ALDH3A1: variants seen among roughly 807,000 people sequenced by gnomAD.
ALDH3A1 encodes aldehyde dehydrogenase, dimeric NADP-preferring.
A neutral mutation model predicts 49.9 loss-of-function variants in ALDH3A1; 46 were observed. The observed-to-expected ratio is 0.92, with a 90% CI of 0.73 to 1.18. ALDH3A1 has a LOEUF of 1.18. Ranked by LOEUF, ALDH3A1 falls within the 50% of genes most tolerant of loss-of-function variation. The pLI is 0.00. For missense variants in ALDH3A1, 592 were observed against 611.8 expected (o/e 0.97, Z 0.34); for synonymous variants, 269 against 253.3 (o/e 1.06, Z -0.59).
chr17:19,738,614 C>A, intron 9 of ALDH3A1, 161 bp from the exon 10 acceptor site: 1 of 1,105,062 alleles, frequency 9.0e-7, no homozygotes, highest in South Asian at 1.6e-5. Flanking sequence ...GCCCTCAGCA[C>A]CCAGCCCCAG....
Position 19,743,427 on chromosome 17 carries a change from C to T in ALDH3A1, c.199G>A (p.Val67Ile), listed in dbSNP as rs752921553. ...WNAYYEEVVY[V>I]LEEIEYMIQK... ...ATCATGTACTCGATCTCCTCTAGGA[C>T]GTACACCACCTCCTCATAGTAGGCG... The change falls in exon 3 of 11, where the codon GTC becomes ATC. Residue 67 changes from valine to isoleucine, a missense_variant. Physicochemically the swap from Val to Ile is conservative, Grantham distance 29. Coordinates refer to ENST00000225740, the MANE Select transcript of ALDH3A1 (RefSeq NM_000691.5). This position sits in a 1 kb window ranked among gnomAD's most constrained non-coding sequence, Gnocchi z 4.4. The T allele has an allele frequency of 6.8e-6, 11 of 1,611,430 alleles. No individual in the cohort carries two copies. The East Asian group carries it at 1.1e-4, about 16-fold the overall frequency.
In ALDH3A1 at chr17:19,742,931, C is replaced by T. The variant is rs543999159; in HGVS notation, c.394+301G>A. The T allele has an allele frequency of 1.5e-4, 229 of 1,524,716 alleles. 1 individual carries two copies. The highest frequency in any genetic ancestry group is 1.2e-3 in the South Asian group (99 of 83,146). 94.4% of individuals were successfully genotyped at this position (1,524,716 alleles called of 1,614,324 possible). A position where few individuals can be genotyped will look rare whatever the true frequency, so the allele number is the denominator to read the frequency against. ...TCTGGGGGCCCGGTTGGTAGAACAG[C>T]GCTGGCCCATTCTAGGAAGGAAGCC... On this transcript the variant is annotated intron_variant, in intron 3 of 10. Transcript: ENST00000225740.
intron 8 of ALDH3A1, 65 bp downstream of exon 8, chr17:19,739,443 C>A: frequency 6.5e-7 from 1 of 1,533,512 alleles, no homozygotes; most frequent in Non-Finnish European, 8.8e-7. Context: ...AGTGAAGCTG[C>A]AGTTTGAACC....
At chr17:19,739,221 C>T in intron 8 of ALDH3A1, 126 bp from the exon 9 acceptor site, 2 of 887,818 alleles carry the variant, frequency 2.3e-6, no homozygotes, top group Non-Finnish European at 3.5e-6. Context: ...GAGCCTTAGC[C>T]TCCATCTCCT....
rs2086622399 is a variant in ALDH3A1, at chr17:19,748,130, G to A, written c.-6+129C>T. 1.5e-5 allele frequency: 5 copies of A among 324,088 alleles called. No individual in the cohort carries two copies. Among genetic ancestry groups the A allele is most frequent in the Middle Eastern group, 9.1e-4 (1 of 1,098 alleles). The allele number at this position is 324,088 out of a possible 1,614,324, so 20.1% of individuals were successfully genotyped here. A position where few individuals can be genotyped will look rare whatever the true frequency, so the allele number is the denominator to read the frequency against. On this transcript the variant is annotated intron_variant, in intron 1 of 10. Coordinates refer to ENST00000225740, the MANE Select transcript of ALDH3A1 (RefSeq NM_000691.5). The surrounding 1 kb of genome is among the most constrained non-coding windows in gnomAD (Gnocchi z 4.4). ...CAGAGGTCCAGGAGGATGCTCCAGA[G>A]ATGATGGTCCCAGAGGCAGGGACCC...
intron 7 of ALDH3A1, 179 bp downstream of exon 7, chr17:19,740,157 A>G (rs1339971605): frequency 5.9e-6 from 4 of 680,920 alleles, no homozygotes; most frequent in Non-Finnish European, 7.0e-6. Context: ...CTGAGGTTGA[A>G]GCAGGGGCTG....
At chr17:19,746,369 T>C (rs1464315738) in intron 1 of ALDH3A1, among the ~76,000 whole-genome samples, 3 of 151,990 alleles carry the variant, frequency 2.0e-5, no homozygotes, top group African/African-American at 7.3e-5. Flanking sequence ...CTCCAGCACT[T>C]TGACCGGGAG....
rs369365709 is a variant in ALDH3A1 at position 19,743,930 on chromosome 17, G to A, written c.163-467C>T. On this transcript the variant is annotated intron_variant, in intron 2 of 10. Coordinates refer to ENST00000225740, the MANE Select transcript of ALDH3A1 (RefSeq NM_000691.5). The surrounding 1 kb of genome is among the most constrained non-coding windows in gnomAD (Gnocchi z 4.4). ...GATGCAGGACCAAGGGCTGCTGGGC[G>A]CTCAGGGCCTCCTGTGGGGAGCAGG... 1.1e-4 allele frequency: 104 copies of A among 985,170 alleles called. No homozygotes were observed. Among genetic ancestry groups the A allele is most frequent in the South Asian group, 1.9e-4 (4 of 21,288 alleles). 61.0% of individuals were successfully genotyped at this position (985,170 alleles called of 1,614,324 possible).
Position 19,738,392 on chromosome 17 carries a change from G to A in ALDH3A1, c.1278C>T (p.Arg426=), listed in dbSNP as rs539213892. ...TCATCAGAGGCCTCACCAGGCAAGAGCGGCGGTGAGAGAAAGTCTCGAAGC... is the reference window on the plus strand; with the variant it reads ...TCATCAGAGGCCTCACCAGGCAAGAACGGCGGTGAGAGAAAGTCTCGAAGC... The part of the protein sequence containing the change: ...KKSFETFSHR[R]SCLVRPLMND... The change falls in exon 10 of 11, where the codon CGC becomes CGT. Residue 426 remains arginine, a synonymous_variant. Coordinates refer to ENST00000225740, the MANE Select transcript of ALDH3A1 (RefSeq NM_000691.5). 104 of 1,613,870 alleles carry A rather than the reference G, an allele frequency of 6.4e-5. No individual in the cohort carries two copies. The highest frequency in any genetic ancestry group is 7.6e-5 in the Non-Finnish European group (90 of 1,179,818).
rs750423189 is a variant in ALDH3A1 at position 19,743,236 on chromosome 17, A to T, written c.390T>A (p.Ala130=). Residue 130 remains alanine (A), a synonymous_variant, in exon 3 of 11, where the codon GCT becomes GCA. Coordinates refer to ENST00000225740, the MANE Select transcript of ALDH3A1 (RefSeq NM_000691.5). The surrounding 1 kb of genome is among the most constrained non-coding windows in gnomAD (Gnocchi z 4.4). ...CCTTCCCACAGGGCCATGCACCTGC[A>T]GCGATGGCGCCCACCATGGGCTGGA... ...LTIQPMVGAI[A]AGNSVVLKPS... 6.2e-7 allele frequency: 1 copy of T among 1,613,468 alleles called. No individual in the cohort carries two copies. The highest frequency in any genetic ancestry group is 1.3e-5 in the African/African-American group (1 of 74,894).
At position 19,743,290 on chromosome 17, in the gene ALDH3A1, G is replaced by A; in HGVS notation, c.336C>T (p.Gly112=). 1.2e-6 allele frequency: 2 copies of A among 1,614,124 alleles called. No individual in the cohort carries two copies. Among genetic ancestry groups the A allele is most frequent in the South Asian group, 1.1e-5 (1 of 91,082 alleles). ...SEPLGVVLVI[G]TWNYPFNLTI... ...TGAGGTTGAAGGGGTAGTTCCAGGTGCCAATGACGAGGACCACGCCCAGTG... is the reference window on the plus strand; with the variant it reads ...TGAGGTTGAAGGGGTAGTTCCAGGTACCAATGACGAGGACCACGCCCAGTG... Residue 112 remains glycine, a synonymous_variant, in exon 3 of 11, where the codon GGC becomes GGT. Transcript: ENST00000225740. The surrounding 1 kb of genome is among the most constrained non-coding windows in gnomAD (Gnocchi z 4.4).
In ALDH3A1 at chr17:19,738,140, C is replaced by T; in HGVS notation, c.*81G>A. ...GGGCTGGGGCTGCAGGAGCGATTCT[C>T]CCAGGGCCAGGAGAGCCAGTGAGGG... On this transcript the variant is annotated 3_prime_UTR_variant, in exon 11 of 11. Transcript: ENST00000225740. The T allele has an allele frequency of 6.2e-7, 1 of 1,609,578 alleles. No homozygotes were observed. Among genetic ancestry groups the T allele is most frequent in the Non-Finnish European group, 8.5e-7 (1 of 1,179,848 alleles).
chr17:19,746,501 A>T (rs1447910835), intron 1 of ALDH3A1, among the ~76,000 whole-genome samples: 2 of 152,148 alleles, frequency 1.3e-5, no homozygotes, highest in Non-Finnish European at 2.9e-5. Context: ...GCCTCGGGTA[A>T]GTAATATAAT....
At position 19,743,689 on chromosome 17, in the gene ALDH3A1, C is replaced by G. The variant is rs79994225; in HGVS notation, c.163-226G>C. 0.013 allele frequency: 12,804 copies of G among 985,096 alleles called. 299 individuals are homozygous for G. The East Asian group carries it at 0.21, about 16-fold the overall frequency. The allele number at this position is 985,096 out of a possible 1,614,324, so 61.0% of individuals were successfully genotyped here. ...CCAGAGGGGGGCCCAGGTAGGTTTGCGGCCCCAGGGGAGAGAGCCGGTGAA... is the reference window on the plus strand; with the variant it reads ...CCAGAGGGGGGCCCAGGTAGGTTTGGGGCCCCAGGGGAGAGAGCCGGTGAA... On this transcript the variant is annotated intron_variant, in intron 2 of 10. Transcript: ENST00000225740. The surrounding 1 kb of genome is among the most constrained non-coding windows in gnomAD (Gnocchi z 4.4).
At chr17:19,745,173 G>A (rs1386307537) in intron 1 of ALDH3A1, 39 bp from the exon 2 acceptor site, 8 of 1,526,532 alleles carry the variant, frequency 5.2e-6, no homozygotes, top group Non-Finnish European at 7.0e-6. Context: ...TGAGGGGCAC[G>A]AGCGCGCCCT....
chr17:19,745,175 G>C (rs747290788), intron 1 of ALDH3A1, 41 bp from the exon 2 acceptor site: 1 of 1,523,876 alleles, frequency 6.6e-7, no homozygotes, highest in South Asian at 1.2e-5. Context: ...AGGGGCACGA[G>C]CGCGCCCTGC....
chr17:19,742,997 G>C, intron 3 of ALDH3A1: 1 of 1,530,750 alleles, frequency 6.5e-7, no homozygotes, highest in African/African-American at 1.4e-5. Context: ...CCCCCCAACA[G>C]GGGTGGGGGA....
intron 2 of ALDH3A1, 66 bp downstream of exon 2, chr17:19,744,902 C>CCGG: frequency 2.4e-6 from 1 of 412,020 alleles, no homozygotes; most frequent in African/African-American, 4.7e-5. Context: ...CTCTCCCCAG[C>CCGG]CCCTCCCCCC....
chr17:19,740,030 C>T (rs113496058), intron 7 of ALDH3A1: 8 of 453,710 alleles, frequency 1.8e-5, no homozygotes, highest in Admixed American at 7.5e-5. Flanking sequence ...CACTGGGGGC[C>T]CCTCACGGCT....
Sources: gnomAD v4.1 joint callset for allele counts (sites outside exome capture counted in the v4.1 genomes callset) on GRCh38, gnomAD v4.1.1 for gene constraint, Gnocchi (gnomAD v3.1) non-coding constraint, MANE v1.5 for transcripts, NCBI Gene and HGNC (gene_info 2026-07-23, HGNC 2026-07-21) for gene names.